DLG1: variants seen among roughly 807,000 people sequenced by gnomAD.
The protein encoded by DLG1 is disks large homolog 1.
DLG1 carries 42 observed loss-of-function variants against 123.4 expected under a neutral mutation model. The observed-to-expected ratio is 0.34, with a 90% confidence interval of 0.27 to 0.44. The LOEUF is 0.44. DLG1 is among the 20% of genes least tolerant of loss of function. The pLI is 1.00. For synonymous variants in DLG1, 317 were observed against 356.2 expected (o/e 0.89, Z 1.24); for missense variants, 942 against 1,082.6 (o/e 0.87, Z 1.82).
chr3:197,294,519 G>A (rs1208220328), intron 3 of DLG1, among the ~76,000 whole-genome samples: 3 of 152,004 alleles, frequency 2.0e-5, no homozygotes, highest in African/African-American at 7.2e-5. Flanking sequence ...TTAGCCGGAC[G>A]TGGTGGTGGG....
At chr3:197,166,034 T>C (rs916742254) in intron 5 of DLG1, among the ~76,000 whole-genome samples, 3 of 152,132 alleles carry the variant, frequency 2.0e-5, no homozygotes, top group Non-Finnish European at 2.9e-5. Context: ...AGGGAGGCAA[T>C]AGCCTGGCAA....
At chr3:197,095,542 A>C (rs923175288) in intron 14 of DLG1, among the ~76,000 whole-genome samples, 2 of 152,196 alleles carry the variant, frequency 1.3e-5, no homozygotes, top group African/African-American at 4.8e-5. Flanking sequence ...CAACTTTGGC[A>C]GGAATATCAC....
intron 18 of DLG1, among the ~76,000 whole-genome samples, chr3:197,075,050 T>A (rs1050112917): frequency 6.6e-6 from 1 of 152,032 alleles, no homozygotes; most frequent in Non-Finnish European, 1.5e-5. Context: ...TCAGTAATGT[T>A]TGGTAAATTT....
rs545840557 is a variant in DLG1, at chr3:197,182,892, A to AT, written c.483+11532dup. On this transcript the variant is annotated intron_variant, in intron 5 of 24. Transcript: ENST00000667157. ...TTTCCTCAAAAAGTGGTGTTATGTGATTTTTTTTAATTTTGAGAGACTTTT... is the reference window on the plus strand; with the variant it reads ...TTTCCTCAAAAAGTGGTGTTATGTGATTTTTTTTTAATTTTGAGAGACTTTT... Among the ~76,000 whole-genome samples, 218 of 152,006 alleles carry AT rather than the reference A, an allele frequency of 1.4e-3. 1 individual carries two copies. The highest frequency in any genetic ancestry group is 4.3e-3 in the African/African-American group (180 of 41,466).
chr3:197,087,802 TAA>T (rs1755300233), intron 15 of DLG1, among the ~76,000 whole-genome samples: 1 of 152,310 alleles, frequency 6.6e-6, no homozygotes, highest in Admixed American at 6.5e-5. Context: ...TAGGCAGGGA[TAA>T]GTTACTGTAC....
Position 197,218,397 on chromosome 3 carries a change from T to G in DLG1, c.319-23808A>C, listed in dbSNP as rs1023865986. On this transcript the variant is annotated intron_variant, in intron 4 of 24. Coordinates refer to ENST00000667157, the MANE Select transcript of DLG1 (RefSeq NM_001366207.1). ...AATGGCTATGAACTTCAAGGGAAGG[T>G]TTCTTTTTTATGTACTTTATCTCCA... is the stretch of plus-strand genomic sequence containing the variant. Among the ~76,000 whole-genome samples, 4 of 152,306 alleles carry G rather than the reference T, an allele frequency of 2.6e-5. No homozygotes were observed. The Middle Eastern group carries it at 0.01, about 389-fold the overall frequency.
rs539691375 is a variant in DLG1, at chr3:197,215,862, G to A, written c.319-21273C>T. 2.0e-4 allele frequency among the ~76,000 whole-genome samples: 30 copies of A among 152,106 alleles called. 1 individual carries two copies. The highest frequency in any genetic ancestry group is 1.0e-3 in the South Asian group (5 of 4,830). ...CAAACAGGGGACTTCTAAGGAAACA[G>A]GTATTACTCTTTTATTATTTTTAAT... On this transcript the variant is annotated intron_variant, in intron 4 of 24. Coordinates refer to ENST00000667157, the MANE Select transcript of DLG1 (RefSeq NM_001366207.1).
chr3:197,092,235 A>C (rs995182583), intron 14 of DLG1, among the ~76,000 whole-genome samples: 1 of 152,192 alleles, frequency 6.6e-6, no homozygotes, highest in African/African-American at 2.4e-5. Context: ...TTCTAATGAA[A>C]AATTAGGACC....
At chr3:197,067,551 GTTTTTTTTT>G (rs199907948) in intron 19 of DLG1, among the ~76,000 whole-genome samples, 6 of 107,378 alleles carry the variant, frequency 5.6e-5, no homozygotes, top group Non-Finnish European at 8.9e-5. Context: ...AACTCTGAGA[GTTTTTTTTT>G]TTTTTTTTTT....
chr3:197,087,381 C>A (rs1360366778), intron 15 of DLG1, among the ~76,000 whole-genome samples: 2 of 148,660 alleles, frequency 1.3e-5, no homozygotes, highest in East Asian at 2.0e-4. Context: ...CTAAAAAAAA[C>A]CCCACAAGAC....
chr3:197,076,098 C>T (rs1442753515), intron 18 of DLG1, among the ~76,000 whole-genome samples: 2 of 152,094 alleles, frequency 1.3e-5, no homozygotes, highest in Non-Finnish European at 2.9e-5. Context: ...GATTCAGGTA[C>T]AGAAGCAAAA....
At chr3:197,175,324 AG>A (rs1806434318) in intron 5 of DLG1, among the ~76,000 whole-genome samples, 1 of 152,232 alleles carries the variant, frequency 6.6e-6, no homozygotes, top group South Asian at 2.1e-4. Flanking sequence ...TAATAGTGCC[AG>A]GAAGTACAAG....
intron 4 of DLG1, among the ~76,000 whole-genome samples, chr3:197,197,764 TTAATCAA>T (rs1355312422): frequency 6.6e-6 from 1 of 152,200 alleles, no homozygotes; most frequent in Admixed American, 6.5e-5. Flanking sequence ...CAAAGCTACA[TTAATCAA>T]GACTATGGTA....
chr3:197,273,865 A>AAAAAAAAC (rs1553804416), intron 4 of DLG1, among the ~76,000 whole-genome samples: 56 of 145,402 alleles, frequency 3.9e-4, no homozygotes, highest in Non-Finnish European at 6.4e-4. Flanking sequence ...AAAAAAAAAA[A>AAAAAAAAC]CCAAAACAAA....
intron 4 of DLG1, among the ~76,000 whole-genome samples, chr3:197,239,634 T>C (rs1747822102): frequency 2.0e-5 from 3 of 151,976 alleles, no homozygotes; most frequent in Non-Finnish European, 1.5e-5. Context: ...CATGACCCAG[T>C]GGGATTGGGA....
At chr3:197,098,676 AG>A (rs1471472931) in intron 14 of DLG1, among the ~76,000 whole-genome samples, 1 of 152,112 alleles carries the variant, frequency 6.6e-6, no homozygotes, top group African/African-American at 2.4e-5. Flanking sequence ...CTGAAATTAC[AG>A]GTATGTACCA....
chr3:197,051,697 T>TTATAATTATAA, intron 23 of DLG1, 29 bp from the exon 24 acceptor site: 1 of 1,523,662 alleles, frequency 6.6e-7, no homozygotes, highest in East Asian at 2.2e-5. Flanking sequence ...AAATTGATAA[T>TTATAATTATAA]TACCAAATTA....
chr3:197,090,927 C>G lies in DLG1; in HGVS notation c.1646G>C (p.Arg549Pro), dbSNP rs746948471. 7 of 1,600,664 alleles carry G rather than the reference C, an allele frequency of 4.4e-6. No homozygotes were observed. The African/African-American group carries it at 8.0e-5, about 18-fold the overall frequency. ...GSGSLRTSQK[R>P]SLYVRALFDY... ...AAAAATTTACCTGACATAGAGGGAT[C>G]GCTTCTGGCTAGTTCGAAGAGAACC... The change falls in exon 15 of 25, where the codon CGA becomes CCA. Residue 549 changes from arginine (R) to proline (P), a missense_variant. By Grantham distance (103) the Arg-to-Pro change is moderately radical (BLOSUM62 -2). Coordinates refer to ENST00000667157, the MANE Select transcript of DLG1 (RefSeq NM_001366207.1).
At chr3:197,070,072 T>C (rs1287758858) in intron 18 of DLG1, 1 of 152,174 alleles carries the variant, frequency 6.6e-6, no homozygotes, top group Non-Finnish European at 1.5e-5. Flanking sequence ...TTCACGACTT[T>C]ATTGTTTGGT....
Sources: gnomAD v4.1 joint callset for allele counts (sites outside exome capture counted in the v4.1 genomes callset) on GRCh38, gnomAD v4.1.1 for gene constraint, MANE v1.5 for transcripts, NCBI Gene and HGNC (gene_info 2026-07-23, HGNC 2026-07-21) for gene names.